TNKS: variants seen among roughly 807,000 people sequenced by gnomAD.
TNKS encodes poly [ADP-ribose] polymerase tankyrase-1.
In TNKS, 72 loss-of-function variants were observed where a neutral mutation model predicts 135.8. That is an observed-to-expected ratio of 0.53 (90% confidence interval 0.44 to 0.64). The LOEUF is 0.64. Ranked by LOEUF, TNKS falls within the 30% of genes least tolerant of loss-of-function variation. TNKS has a pLI of 0.00. For missense variants in TNKS, 1,769 were observed against 1,674.0 expected, an observed-to-expected ratio of 1.06 and a Z score of -0.99; for synonymous variants, 849 against 649.3, an observed-to-expected ratio of 1.31 and a Z score of -4.68.
At chr8:9,636,305 TAAGA>T (rs1800508841) in intron 3 of TNKS, among the ~76,000 whole-genome samples, 1 of 152,298 alleles carries the variant, frequency 6.6e-6, no homozygotes, top group African/African-American at 2.4e-5. Context: ...ATGCTGGGCA[TAAGA>T]AAGAAAAAGG....
intron 17 of TNKS, among the ~76,000 whole-genome samples, chr8:9,739,986 C>T (rs71516535): frequency 0.092 from 9,145 of 99,186 alleles, 660 homozygotes; most frequent in Admixed American, 0.2. Flanking sequence ...AGCGCACCAG[C>T]ATGGCACATG....
chr8:9,752,620 A>T lies in TNKS; in HGVS notation c.3147A>T (p.Thr1049=). 1 of 1,605,000 alleles carries T rather than the reference A, an allele frequency of 6.2e-7. No individual in the cohort carries two copies. Among genetic ancestry groups the T allele is most frequent in the Non-Finnish European group, 8.5e-7 (1 of 1,172,528 alleles). ...GLEHLRDIFE[T]EQITLDVLAD... is the part of the protein sequence containing the mutation. ...AACACCTTCGGGATATCTTTGAAAC[A>T]GAACAGGTAAATACTCTTGTATATA... Residue 1049 remains threonine (T), a synonymous_variant, in exon 20 of 27, where the codon ACA becomes ACT. Transcript: ENST00000310430.
At chr8:9,639,647 T>G (rs148039376) in intron 3 of TNKS, among the ~76,000 whole-genome samples, 1,701 of 152,252 alleles carry the variant, frequency 0.011, 12 homozygotes, top group African/African-American at 0.023. Context: ...ACTTTTGTAT[T>G]TATCCCTGAC....
chr8:9,766,466 G>C (rs528253681), intron 25 of TNKS, 41 bp downstream of exon 25: 1 of 1,361,650 alleles, frequency 7.3e-7, no homozygotes, highest in Non-Finnish European at 9.7e-7. Context: ...CCACCCCTAG[G>C]TCACGAACCA....
intron 3 of TNKS, among the ~76,000 whole-genome samples, chr8:9,649,781 A>G (rs1801069105): frequency 6.6e-6 from 1 of 151,816 alleles, no homozygotes; most frequent in African/African-American, 2.4e-5. Context: ...GTTCCATCCA[A>G]GTTGCTACAA....
At chr8:9,575,860 C>T (rs1431422361) in intron 1 of TNKS, among the ~76,000 whole-genome samples, 1 of 152,182 alleles carries the variant, frequency 6.6e-6, no homozygotes, top group Non-Finnish European at 1.5e-5. Context: ...CATTTATTTT[C>T]CTGCTTGATA....
rs1001747168 is a variant in TNKS, at chr8:9,769,369, T to A, written c.3741-737T>A. Among the ~76,000 whole-genome samples, 104 of 152,226 alleles carry A rather than the reference T, an allele frequency of 6.8e-4. 1 individual carries two copies. The highest frequency in any genetic ancestry group is 6.8e-3 in the Admixed American group (104 of 15,286). Reference sequence around the variant, plus strand: ...CTAATTCAGGTTTCACCCAGACTATTATGATTTTCAGCCATACATTTAAGC... The same window carrying A: ...CTAATTCAGGTTTCACCCAGACTATAATGATTTTCAGCCATACATTTAAGC... On this transcript the variant is annotated intron_variant, in intron 25 of 26. Coordinates refer to ENST00000310430, the MANE Select transcript of TNKS (RefSeq NM_003747.3).
chr8:9,568,097 AT>A (rs757432120), intron 1 of TNKS, among the ~76,000 whole-genome samples: 3 of 152,202 alleles, frequency 2.0e-5, no homozygotes, highest in Non-Finnish European at 4.4e-5. Flanking sequence ...TTATCTGTTG[AT>A]TCACATTTTT....
rs548448663 is a variant in TNKS, at chr8:9,586,666, G to A, written c.898+6283G>A. ...TCAGAAAAAAATGTTAAAACAGCCA[G>A]TATTATAGAATTTATATTTAAATTA... On this transcript the variant is annotated intron_variant, in intron 2 of 26. Coordinates refer to ENST00000310430, the MANE Select transcript of TNKS (RefSeq NM_003747.3). Among the ~76,000 whole-genome samples the A allele has an allele frequency of 6.2e-4, 94 of 151,152 alleles. 1 individual carries two copies. The highest frequency in any genetic ancestry group is 1.1e-3 in the Non-Finnish European group (77 of 67,872).
At chr8:9,722,470 T>C (rs891372929) in intron 12 of TNKS, 2 of 151,544 alleles carry the variant, frequency 1.3e-5, no homozygotes, top group Admixed American at 1.3e-4. Flanking sequence ...TAGAAGGAAA[T>C]CTATCTAGCA....
chr8:9,652,588 C>G (rs1228549110), intron 3 of TNKS, among the ~76,000 whole-genome samples: 1 of 152,016 alleles, frequency 6.6e-6, no homozygotes, highest in Non-Finnish European at 1.5e-5. Context: ...AATCTGTTTT[C>G]TCAGCTTATT....
At chr8:9,568,842 C>T (rs1011911084) in intron 1 of TNKS, among the ~76,000 whole-genome samples, 9 of 152,102 alleles carry the variant, frequency 5.9e-5, no homozygotes, top group African/African-American at 1.9e-4. Flanking sequence ...TAATAGTTTC[C>T]TAAGGGTTAG....
At chr8:9,634,845 G>C (rs1800445807) in intron 3 of TNKS, among the ~76,000 whole-genome samples, 1 of 152,174 alleles carries the variant, frequency 6.6e-6, no homozygotes, top group Admixed American at 6.5e-5. Flanking sequence ...GTCGGGGAAG[G>C]TGTAAAAGGA....
At chr8:9,603,186 G>A (rs1041117620) in intron 2 of TNKS, among the ~76,000 whole-genome samples, 1 of 151,982 alleles carries the variant, frequency 6.6e-6, no homozygotes, top group African/African-American at 2.4e-5. Context: ...CCAAGTAGCT[G>A]GGATTACAGG....
intron 15 of TNKS, among the ~76,000 whole-genome samples, chr8:9,734,229 C>G (rs1442078311): frequency 1.3e-5 from 2 of 152,238 alleles, no homozygotes; most frequent in Non-Finnish European, 2.9e-5. Context: ...TGACTTACAA[C>G]TAATTTCCGC....
At chr8:9,643,893 C>T (rs574411468) in intron 3 of TNKS, among the ~76,000 whole-genome samples, 42 of 152,056 alleles carry the variant, frequency 2.8e-4, no homozygotes, top group African/African-American at 8.2e-4. Context: ...AGAGATAAAC[C>T]GATAAATAAA....
intron 17 of TNKS, among the ~76,000 whole-genome samples, chr8:9,735,873 C>T (rs972116879): frequency 2.0e-5 from 3 of 152,038 alleles, no homozygotes; most frequent in Non-Finnish European, 2.9e-5. Context: ...TAAATGCATA[C>T]TATGCATTAA....
intron 3 of TNKS, chr8:9,658,571 G>A (rs1801536773): frequency 9.7e-6 from 3 of 308,864 alleles, no homozygotes; most frequent in Non-Finnish European, 1.8e-5. Flanking sequence ...CCCTAAAAGA[G>A]CTCCTGAAGG....
intron 3 of TNKS, among the ~76,000 whole-genome samples, chr8:9,672,711 C>CACACACACAA (rs1399922732): frequency 3.5e-4 from 30 of 85,238 alleles, no homozygotes; most frequent in South Asian, 1.4e-3. Context: ...CACACACACA[C>CACACACACAA]AAAAAAAAAA....
Sources: gnomAD v4.1 joint callset for allele counts (sites outside exome capture counted in the v4.1 genomes callset) on GRCh38, gnomAD v4.1.1 for gene constraint, MANE v1.5 for transcripts, NCBI Gene and HGNC (gene_info 2026-07-23, HGNC 2026-07-21) for gene names.